FRMD4A: variants seen among roughly 807,000 people sequenced by gnomAD.
The protein encoded by FRMD4A is FERM domain-containing protein 4A.
In FRMD4A, 29 loss-of-function variants were observed where a neutral mutation model predicts 129.1. The observed-to-expected ratio is 0.22, with a 90% CI of 0.17 to 0.31. The LOEUF (loss-of-function observed/expected upper bound fraction) is 0.31, where lower values mean the gene tolerates loss of function less well. Among genes scored for constraint, FRMD4A ranks in the 10% least tolerant of loss-of-function variants. The pLI is 1.00. For missense variants in FRMD4A, 1,272 were observed against 1,375.8 expected (o/e 0.92, Z 1.19); for synonymous variants, 634 against 571.6 (o/e 1.11, Z -1.56).
chr10:14,022,727 G>C (rs574263482), intron 2 of FRMD4A, among the ~76,000 whole-genome samples: 2 of 152,082 alleles, frequency 1.3e-5, no homozygotes, highest in Non-Finnish European at 2.9e-5. Context: ...GCACACTGGG[G>C]CTATGAAAAG....
At chr10:14,170,954 A>C (rs532706794) in intron 2 of FRMD4A, among the ~76,000 whole-genome samples, 1 of 152,138 alleles carries the variant, frequency 6.6e-6, no homozygotes, top group Admixed American at 6.5e-5. Flanking sequence ...TGGCCTTACC[A>C]AAGTGCTCCC....
intron 2 of FRMD4A, among the ~76,000 whole-genome samples, chr10:14,153,936 C>G (rs903822475): frequency 2.0e-5 from 3 of 152,232 alleles, no homozygotes; most frequent in Non-Finnish European, 4.4e-5. Flanking sequence ...GGCTCCGCCT[C>G]TGCCCTCCAG....
intron 2 of FRMD4A, among the ~76,000 whole-genome samples, chr10:13,942,590 T>C (rs1052666789): frequency 6.6e-6 from 1 of 152,156 alleles, no homozygotes; most frequent in Admixed American, 6.5e-5. Context: ...GGATCTGTGG[T>C]ATTGTGCAAA....
intron 16 of FRMD4A, among the ~76,000 whole-genome samples, chr10:13,673,768 G>GT (rs1564576576): frequency 2.2e-5 from 3 of 133,370 alleles, no homozygotes; most frequent in African/African-American, 9.1e-5. Context: ...AGAAAGCATT[G>GT]CTTTTTTTTT....
rs182516458 is a variant in FRMD4A, at chr10:14,310,737, G to A, written c.45+19321C>T. On this transcript the variant is annotated intron_variant, in intron 2 of 24. Transcript: ENST00000357447. ...CAGTTTTTTGCGCCCTATGCAAATGGCACACCTTGTCCAACCAATCTTATG... is the reference window on the plus strand; with the variant it reads ...CAGTTTTTTGCGCCCTATGCAAATGACACACCTTGTCCAACCAATCTTATG... 2.0e-4 allele frequency among the ~76,000 whole-genome samples: 31 copies of A among 152,234 alleles called. 1 individual carries two copies. The highest frequency in any genetic ancestry group is 1.5e-3 in the Admixed American group (23 of 15,290).
At chr10:14,101,266 CT>C (rs746000378) in intron 2 of FRMD4A, among the ~76,000 whole-genome samples, 2 of 152,206 alleles carry the variant, frequency 1.3e-5, no homozygotes, top group Non-Finnish European at 2.9e-5. Context: ...TCTCCCAGAA[CT>C]TTCTACAGTG....
At chr10:13,704,855 G>C (rs1180157131) in intron 13 of FRMD4A, among the ~76,000 whole-genome samples, 1 of 151,678 alleles carries the variant, frequency 6.6e-6, no homozygotes, top group South Asian at 2.1e-4. Flanking sequence ...AGGATTGCTT[G>C]AGCTTGGGAA....
intron 2 of FRMD4A, among the ~76,000 whole-genome samples, chr10:14,295,638 A>G (rs1050397632): frequency 6.6e-6 from 1 of 152,078 alleles, no homozygotes; most frequent in Admixed American, 6.6e-5. Flanking sequence ...GTGAGAGGAG[A>G]TGAGGAGGGG....
chr10:13,761,915 C>A (rs1229580640), intron 7 of FRMD4A, among the ~76,000 whole-genome samples: 1 of 152,168 alleles, frequency 6.6e-6, no homozygotes, highest in Non-Finnish European at 1.5e-5. Context: ...TGACAAAATG[C>A]ACATCTCCAC....
chr10:14,305,265 A>G (rs940613701), intron 2 of FRMD4A, among the ~76,000 whole-genome samples: 1 of 152,190 alleles, frequency 6.6e-6, no homozygotes, highest in African/African-American at 2.4e-5. Flanking sequence ...ACATTTCCCC[A>G]AAATACACGT....
At chr10:14,155,276 C>G (rs768094567) in intron 2 of FRMD4A, among the ~76,000 whole-genome samples, 1 of 152,174 alleles carries the variant, frequency 6.6e-6, no homozygotes, top group Non-Finnish European at 1.5e-5. Context: ...GCCTGGGAGA[C>G]AGAGCAAGAC....
chr10:13,925,386 T>C (rs1002683556), intron 2 of FRMD4A, among the ~76,000 whole-genome samples: 4 of 152,074 alleles, frequency 2.6e-5, no homozygotes, highest in Non-Finnish European at 4.4e-5. Flanking sequence ...AAATTTAACC[T>C]CCTGAATGTG....
intron 2 of FRMD4A, among the ~76,000 whole-genome samples, chr10:13,957,295 C>G (rs886967562): frequency 1.6e-4 from 24 of 152,148 alleles, no homozygotes; most frequent in African/African-American, 5.8e-4. Context: ...CTCTTGCTGC[C>G]CAGACTGGAG....
At chr10:13,988,853 G>T (rs1420676426) in intron 2 of FRMD4A, among the ~76,000 whole-genome samples, 1 of 152,160 alleles carries the variant, frequency 6.6e-6, no homozygotes, top group East Asian at 1.9e-4. Flanking sequence ...GAGCATGGAC[G>T]TCAGAGAGGA....
intron 2 of FRMD4A, among the ~76,000 whole-genome samples, chr10:13,954,162 A>G (rs2095393404): frequency 6.6e-6 from 1 of 152,218 alleles, no homozygotes. Flanking sequence ...TGGTAAAGAA[A>G]TAAACAAAAG....
At chr10:13,951,178 G>T (rs1157437874) in intron 2 of FRMD4A, among the ~76,000 whole-genome samples, 2 of 152,126 alleles carry the variant, frequency 1.3e-5, no homozygotes, top group African/African-American at 2.4e-5. Flanking sequence ...CAGTGGGTGT[G>T]ACAACCGAAT....
At chr10:13,997,683 T>C (rs1035725996) in intron 2 of FRMD4A, among the ~76,000 whole-genome samples, 1 of 150,974 alleles carries the variant, frequency 6.6e-6, no homozygotes, top group Admixed American at 6.6e-5. Context: ...ATTGCAGTGA[T>C]GTAATCTTGG....
At chr10:13,737,339 C>T (rs1027726111) in intron 12 of FRMD4A, among the ~76,000 whole-genome samples, 3 of 152,326 alleles carry the variant, frequency 2.0e-5, no homozygotes, top group Non-Finnish European at 4.4e-5. Context: ...ATCCACCTGC[C>T]TCAGGCTCCC....
chr10:13,779,132 C>T (rs1156951450), intron 6 of FRMD4A, among the ~76,000 whole-genome samples: 1 of 152,054 alleles, frequency 6.6e-6, no homozygotes. Flanking sequence ...GCCTGACTAA[C>T]ACGGTGAAAC....
Sources: gnomAD v4.1 joint callset for allele counts (sites outside exome capture counted in the v4.1 genomes callset) on GRCh38, gnomAD v4.1.1 for gene constraint, MANE v1.5 for transcripts, NCBI Gene and HGNC (gene_info 2026-07-23, HGNC 2026-07-21) for gene names.